TENM3: variants seen among roughly 807,000 people sequenced by gnomAD.
TENM3 encodes the protein teneurin-3.
TENM3 carries 63 observed loss-of-function variants against 255.1 expected under a neutral mutation model. The observed-to-expected ratio is 0.25, with a 90% CI of 0.20 to 0.30. The LOEUF (loss-of-function observed/expected upper bound fraction) is 0.30, where lower values mean the gene tolerates loss of function less well. Ranked by LOEUF, TENM3 falls within the 10% of genes least tolerant of loss-of-function variation. TENM3 has a pLI of 1.00. For missense variants in TENM3, 2,929 were observed against 3,461.1 expected (o/e 0.85, Z 3.86); for synonymous variants, 1,306 against 1,322.3 (o/e 0.99, Z 0.27).
At chr4:181,611,060 T>C in the TENM3 span, among the ~76,000 whole-genome samples, 1 of 152,154 alleles carries the variant, frequency 6.6e-6, no homozygotes, top group Non-Finnish European at 1.5e-5. Flanking sequence ...TCTTTATCAC[T>C]CTTGATTATA....
At chr4:181,982,694 G>C in the TENM3 span, among the ~76,000 whole-genome samples, 3 of 152,144 alleles carry the variant, frequency 2.0e-5, no homozygotes, top group Non-Finnish European at 4.4e-5. Flanking sequence ...GCTGAATATG[G>C]ATTCAATTGT....
At chr4:181,977,875 G>T in the TENM3 span, among the ~76,000 whole-genome samples, 2 of 152,244 alleles carry the variant, frequency 1.3e-5, no homozygotes, top group African/African-American at 4.8e-5. Context: ...ATCAGAATAG[G>T]ATAACGTTCA....
chr4:182,545,069 T>C (rs1359895744), intron 3 of TENM3, among the ~76,000 whole-genome samples: 1 of 152,140 alleles, frequency 6.6e-6, no homozygotes, highest in Non-Finnish European at 1.5e-5. Flanking sequence ...GATTAAAAAG[T>C]AAAGGAAAAT....
chr4:181,971,573 G>T, the TENM3 span, among the ~76,000 whole-genome samples: 3 of 151,540 alleles, frequency 2.0e-5, no homozygotes, highest in Non-Finnish European at 4.4e-5. Context: ...TTTGGTTTTG[G>T]TTTTGTTTTT....
chr4:181,862,231 GCA>G, the TENM3 span, among the ~76,000 whole-genome samples: 1 of 151,626 alleles, frequency 6.6e-6, no homozygotes, highest in Non-Finnish European at 1.5e-5. Flanking sequence ...ACACACAAGC[GCA>G]CACACACACA....
chr4:181,706,396 T>C, the TENM3 span, among the ~76,000 whole-genome samples: 1 of 152,132 alleles, frequency 6.6e-6, no homozygotes, highest in Admixed American at 6.5e-5. Context: ...ATTCAGCCTA[T>C]AACAGTCATC....
chr4:182,633,422 C>T (rs1751568283), intron 5 of TENM3, among the ~76,000 whole-genome samples: 1 of 152,188 alleles, frequency 6.6e-6, no homozygotes, highest in African/African-American at 2.4e-5. Flanking sequence ...TACATGCTTT[C>T]ATACCAGCTT....
chr4:182,382,164 T>C (rs1049631045), intron 3 of TENM3, among the ~76,000 whole-genome samples: 1 of 152,204 alleles, frequency 6.6e-6, no homozygotes, highest in Non-Finnish European at 1.5e-5. Flanking sequence ...TAAGATCATA[T>C]TGAGATGCAA....
chr4:182,397,538 T>G (rs946655088), intron 3 of TENM3, among the ~76,000 whole-genome samples: 4 of 151,872 alleles, frequency 2.6e-5, no homozygotes, highest in Non-Finnish European at 5.9e-5. Context: ...AGGACACATT[T>G]GTATTAAGAC....
chr4:182,463,440 A>G (rs957142174), intron 3 of TENM3, among the ~76,000 whole-genome samples: 12 of 151,520 alleles, frequency 7.9e-5, no homozygotes, highest in African/African-American at 1.7e-4. Flanking sequence ...GGAAAGTGCA[A>G]TGGGTGCAAT....
chr4:182,254,554 C>A (rs775229463), intron 1 of TENM3, among the ~76,000 whole-genome samples: 23 of 152,062 alleles, frequency 1.5e-4, no homozygotes, highest in Admixed American at 5.9e-4. Flanking sequence ...TTAAAAGCAG[C>A]AGAAGGCTTT....
chr4:181,743,662 G>A, the TENM3 span, among the ~76,000 whole-genome samples: 126,976 of 152,000 alleles, frequency 0.84, 53,416 homozygotes, highest in East Asian at 0.94. Flanking sequence ...CAAGAGTGGC[G>A]GGACAGCCAC....
chr4:181,830,631 G>A, the TENM3 span, among the ~76,000 whole-genome samples: 6 of 151,716 alleles, frequency 4.0e-5, no homozygotes, highest in East Asian at 9.7e-4. Context: ...GTAAACTAGG[G>A]GAAATAACAT....
the TENM3 span, among the ~76,000 whole-genome samples, chr4:181,886,917 T>A: frequency 6.6e-6 from 1 of 152,168 alleles, no homozygotes; most frequent in Non-Finnish European, 1.5e-5. Flanking sequence ...CCTGCTTGAA[T>A]GTCCTTTACC....
chr4:181,577,087 TATA>T, the TENM3 span, among the ~76,000 whole-genome samples: 1 of 119,946 alleles, frequency 8.3e-6, no homozygotes, highest in African/African-American at 3.5e-5. Flanking sequence ...ATATATAATA[TATA>T]ATATATATTT....
At chr4:181,868,509 C>A in the TENM3 span, among the ~76,000 whole-genome samples, 14 of 152,272 alleles carry the variant, frequency 9.2e-5, no homozygotes, top group South Asian at 2.9e-3. Flanking sequence ...GCAAACATCA[C>A]CTGTTTTAAT....
chr4:181,730,739 G>A, the TENM3 span, among the ~76,000 whole-genome samples: 2 of 152,172 alleles, frequency 1.3e-5, no homozygotes, highest in East Asian at 3.9e-4. Context: ...AAGCAACACA[G>A]AAAGTCACAT....
At position 182,792,442 on chromosome 4, in the gene TENM3, A is replaced by C; in HGVS notation, c.5770A>C (p.Ile1924Leu). 6.2e-7 allele frequency: 1 copy of C among 1,614,058 alleles called. No homozygotes were observed. Among genetic ancestry groups the C allele is most frequent in the Non-Finnish European group, 8.5e-7 (1 of 1,179,898 alleles). Residue 1924 changes from isoleucine to leucine, a missense_variant, in exon 26 of 28, where the codon ATC (isoleucine) becomes CTC (leucine). Ile to Leu is a conservative substitution (Grantham distance 5). Coordinates refer to ENST00000511685, the MANE Select transcript of TENM3 (RefSeq NM_001080477.4). This position sits in a 1 kb window ranked among gnomAD's most constrained non-coding sequence, Gnocchi z 6.3. Reference sequence around the variant, plus strand: ...CAACCCCCCGGAAAGCAACGCCTCCATCATCACGGACTACAACGAGGAAGG... The same window carrying C: ...CAACCCCCCGGAAAGCAACGCCTCCCTCATCACGGACTACAACGAGGAAGG... ...IYNPPESNAS[I>L]ITDYNEEGLL...
At chr4:182,494,763 T>G (rs1391086488) in intron 3 of TENM3, among the ~76,000 whole-genome samples, 1 of 152,202 alleles carries the variant, frequency 6.6e-6, no homozygotes, top group Admixed American at 6.5e-5. Context: ...TGTGTTTTAC[T>G]CGAAGGTATG....
Sources: allele counts gnomAD v4.1 joint callset (sites outside exome capture counted in the v4.1 genomes callset), GRCh38; gene constraint gnomAD v4.1.1; non-coding constraint Gnocchi (gnomAD v3.1); transcripts MANE v1.5; gene names NCBI Gene and HGNC (gene_info 2026-07-23, HGNC 2026-07-21).